UMODL1: variants seen among roughly 807,000 people sequenced by gnomAD.
The protein encoded by UMODL1 is uromodulin like 1.
A neutral mutation model predicts 136.3 loss-of-function variants in UMODL1; 128 were observed. The observed-to-expected ratio is 0.94, with a 90% confidence interval of 0.81 to 1.09. UMODL1 has a LOEUF of 1.09. Ranked by LOEUF, UMODL1 falls within the 50% of genes least tolerant of loss-of-function variation. UMODL1 has a pLI of 0.00. For missense variants in UMODL1, 1,766 were observed against 1,725.6 expected (o/e 1.02, Z -0.41); for synonymous variants, 721 against 720.0 (o/e 1.00, Z -0.02).
rs1204537876 is a variant in UMODL1, at chr21:42,095,091, T to G, written c.932-3835T>G. On this transcript the variant is annotated intron_variant, in intron 6 of 22. Transcript: ENST00000408910. The stretch of plus-strand genomic sequence containing the variant: ...TCACTCCTTTGTTTTCTTCTGCTGT[T>G]TTTTTTTTTTTTTTTTTTTTTGAGA... Among the ~76,000 whole-genome samples, 92 of 111,970 alleles carry G rather than the reference T, an allele frequency of 8.2e-4. 3 individuals are homozygous for G. Among genetic ancestry groups the G allele is most frequent in the African/African-American group, 2.5e-3 (76 of 29,966 alleles). The allele number at this position is 111,970 out of a possible 152,430, so 73.5% of individuals were successfully genotyped here. A position where few individuals can be genotyped will look rare whatever the true frequency, so the allele number is the denominator to read the frequency against.
intron 15 of UMODL1, 33 bp from the exon 16 acceptor site, chr21:42,121,054 G>A: frequency 6.3e-7 from 1 of 1,594,394 alleles, no homozygotes; most frequent in South Asian, 1.1e-5. Flanking sequence ...CCCCAGGGAT[G>A]TTCTTCTGTT....
At chr21:42,140,236 G>T (rs982109633) in intron 22 of UMODL1, among the ~76,000 whole-genome samples, 1 of 152,102 alleles carries the variant, frequency 6.6e-6, no homozygotes, top group Non-Finnish European at 1.5e-5. Context: ...CAACATCCCC[G>T]TGAGGTTGTG....
At chr21:42,076,304 T>C (rs2066291264) in intron 2 of UMODL1, 57 bp downstream of exon 2, 7 of 1,603,786 alleles carry the variant, frequency 4.4e-6, no homozygotes, top group African/African-American at 2.7e-5. Context: ...AGACGCCTGA[T>C]GGGACAGTCA....
At chr21:42,081,178 C>T (rs2066356746) in intron 2 of UMODL1, among the ~76,000 whole-genome samples, 1 of 152,218 alleles carries the variant, frequency 6.6e-6, no homozygotes, top group South Asian at 2.1e-4. Flanking sequence ...CTCCCCAAAA[C>T]TTCCTGTCCC....
intron 13 of UMODL1, among the ~76,000 whole-genome samples, 174 bp downstream of exon 13, chr21:42,114,004 A>T (rs1041332898): frequency 6.6e-6 from 1 of 152,230 alleles, no homozygotes; most frequent in African/African-American, 2.4e-5. Context: ...GCCAGACAGG[A>T]GGTGGCTTAT....
rs779769921 is a variant in UMODL1, at chr21:42,104,024, A to G, written c.1456A>G (p.Ile486Val). The part of the protein sequence containing the change: ...FPMGISTLAP[I>V]LQPLLASTVF... ...CATGGGCATCTCCACGCTGGCCCCC[A>G]TACTCCAGCCCCTGTTGGCAAGCAC... The change falls in exon 9 of 23, where the codon ATA (isoleucine) becomes GTA (valine). Residue 486 changes from isoleucine (I) to valine (V), a missense_variant. Ile to Val is a conservative substitution (Grantham distance 29). Transcript: ENST00000408910. 2.5e-6 allele frequency: 4 copies of G among 1,613,918 alleles called. No individual in the cohort carries two copies. The Admixed American group carries it at 6.7e-5, about 27-fold the overall frequency.
intron 5 of UMODL1, among the ~76,000 whole-genome samples, chr21:42,089,551 A>C (rs2066465812): frequency 6.6e-6 from 1 of 152,198 alleles, no homozygotes; most frequent in Admixed American, 6.5e-5. Flanking sequence ...TCAGTAGGAG[A>C]TTGTTAGAAA....
chr21:42,088,486 G>A lies in UMODL1; in HGVS notation c.790+6G>A. Reference sequence around the variant, plus strand: ...GATCAGCGTCCAGGTGCAAGGTTGGGCTTCCCTCAATCCTCCCTCTGGGGA... The same window carrying A: ...GATCAGCGTCCAGGTGCAAGGTTGGACTTCCCTCAATCCTCCCTCTGGGGA... On this transcript the variant is annotated splice_donor_region_variant and intron_variant, in intron 5 of 22. Coordinates refer to ENST00000408910, the MANE Select transcript of UMODL1 (RefSeq NM_001004416.3). The A allele has an allele frequency of 1.3e-6, 2 of 1,590,460 alleles. No homozygotes were observed. Among genetic ancestry groups the A allele is most frequent in the Non-Finnish European group, 1.7e-6 (2 of 1,161,446 alleles).
At chr21:42,102,020 C>T (rs2066640573) in intron 7 of UMODL1, 146 bp from the exon 8 acceptor site, 1 of 587,808 alleles carries the variant, frequency 1.7e-6, no homozygotes, top group South Asian at 2.1e-5. Context: ...CATTTATTTC[C>T]CCCAATTAGG....
Position 42,111,140 on chromosome 21 carries a change from G to C in UMODL1, c.1899+19G>C. 6.3e-7 allele frequency: 1 copy of C among 1,598,264 alleles called. No individual in the cohort carries two copies. Among genetic ancestry groups the C allele is most frequent in the African/African-American group, 1.3e-5 (1 of 74,828 alleles). On this transcript the variant is annotated intron_variant, in intron 11 of 22. Coordinates refer to ENST00000408910, the MANE Select transcript of UMODL1 (RefSeq NM_001004416.3). Reference sequence around the variant, plus strand: ...GCAGGAGGTGCCCAGCACTGCCCCGGGTCTGGGGATGGACCAGGGGAGCCC... The same window carrying C: ...GCAGGAGGTGCCCAGCACTGCCCCGCGTCTGGGGATGGACCAGGGGAGCCC...
At chr21:42,136,040 G>A (rs757859443) in intron 21 of UMODL1, among the ~76,000 whole-genome samples, 13 of 152,124 alleles carry the variant, frequency 8.5e-5, no homozygotes, top group Non-Finnish European at 1.6e-4. Context: ...GGAGGGGACT[G>A]GGTGGTGCAG....
In UMODL1 at chr21:42,111,581, C is replaced by T. The variant is rs1454054060; in HGVS notation, c.1975C>T (p.His659Tyr). ...GGACCCCACCGGCCACTTCCTGTGG[C>T]ATGCCACCCGTTCCACCCGGGAAAC... ...TEDPTGHFLW[H>Y]ATRSTRETLL... The change falls in exon 12 of 23, where the codon CAT (histidine) becomes TAT (tyrosine). Residue 659 changes from histidine to tyrosine, a missense_variant. By Grantham distance (83) the His-to-Tyr change is moderately conservative. Transcript: ENST00000408910. 6.2e-7 allele frequency: 1 copy of T among 1,614,068 alleles called. No homozygotes were observed. Among genetic ancestry groups the T allele is most frequent in the African/African-American group, 1.3e-5 (1 of 74,946 alleles).
At chr21:42,083,184 C>T (rs538641803) in intron 2 of UMODL1, among the ~76,000 whole-genome samples, 15 of 152,352 alleles carry the variant, frequency 9.8e-5, no homozygotes, top group African/African-American at 3.6e-4. Context: ...CTCTGCCATG[C>T]GTCTCCACAT....
At chr21:42,088,567 C>T (rs192293883) in intron 5 of UMODL1, 87 bp downstream of exon 5, 2 of 1,341,324 alleles carry the variant, frequency 1.5e-6, no homozygotes, top group East Asian at 2.5e-5. Flanking sequence ...AAAGCCAGAC[C>T]AGTCCTTTGT....
At chr21:42,134,556 G>A (rs1053277844) in intron 21 of UMODL1, among the ~76,000 whole-genome samples, 14 of 152,050 alleles carry the variant, frequency 9.2e-5, no homozygotes, top group African/African-American at 1.4e-4. Flanking sequence ...CCCCTGGAAG[G>A]GCCCTGTTTC....
In UMODL1 at chr21:42,109,605, G is replaced by C; in HGVS notation, c.1563G>C (p.Pro521=). The C allele has an allele frequency of 5.6e-6, 9 of 1,611,478 alleles. No homozygotes were observed. The highest frequency in any genetic ancestry group is 7.6e-6 in the Non-Finnish European group (9 of 1,180,022). Residue 521 remains proline, a synonymous_variant, in exon 10 of 23, where the codon CCG becomes CCC. Coordinates refer to ENST00000408910, the MANE Select transcript of UMODL1 (RefSeq NM_001004416.3). Reference sequence around the variant, plus strand: ...ACAGCGCGGAACACGACTGCTCACCGGCTGCCTGGTGCATCAACCTGGAGG... The same window carrying C: ...ACAGCGCGGAACACGACTGCTCACCCGCTGCCTGGTGCATCAACCTGGAGG... ...CVDSAEHDCS[P]AAWCINLEGS...
chr21:42,102,464 T>C (rs547741265), intron 8 of UMODL1, 186 bp downstream of exon 8: 103 of 498,966 alleles, frequency 2.1e-4, no homozygotes, highest in Middle Eastern at 5.3e-4. Flanking sequence ...CCTGCTTTTA[T>C]GGGGTACTTA....
intron 15 of UMODL1, chr21:42,120,814 A>C: frequency 3.3e-6 from 1 of 307,610 alleles, no homozygotes; most frequent in Non-Finnish European, 5.9e-6. Flanking sequence ...ACTCCCGGGA[A>C]CTGAAGGGAT....
At chr21:42,114,485 C>T (rs1193084572) in intron 13 of UMODL1, among the ~76,000 whole-genome samples, 4 of 152,160 alleles carry the variant, frequency 2.6e-5, no homozygotes, top group Admixed American at 2.6e-4. Flanking sequence ...GGGCAGCTTC[C>T]CAAGCGTTGA....
Sources: gnomAD v4.1 joint callset for allele counts (sites outside exome capture counted in the v4.1 genomes callset) on GRCh38, gnomAD v4.1.1 for gene constraint, MANE v1.5 for transcripts, NCBI Gene and HGNC (gene_info 2026-07-23, HGNC 2026-07-21) for gene names.